CTNNA2: variants seen among roughly 807,000 people sequenced by gnomAD.
The protein encoded by CTNNA2 is catenin alpha-2.
A neutral mutation model predicts 101.0 loss-of-function variants in CTNNA2; 42 were observed. The observed-to-expected ratio is 0.42, with a 90% CI of 0.32 to 0.54. The LOEUF (loss-of-function observed/expected upper bound fraction) is 0.54, where lower values mean the gene tolerates loss of function less well. CTNNA2 is among the 20% of genes least tolerant of loss of function. CTNNA2 has a pLI of 0.14. For missense variants in CTNNA2, 871 were observed against 1,223.1 expected, an observed-to-expected ratio of 0.71 and a Z score of 4.29; for synonymous variants, 450 against 456.4, an observed-to-expected ratio of 0.99 and a Z score of 0.18.
intron 4 of CTNNA2, among the ~76,000 whole-genome samples, chr2:79,384,446 A>G (rs17709828): frequency 0.82 from 118,311 of 144,284 alleles, 48,798 homozygotes; most frequent in African/African-American, 0.92. Flanking sequence ...CTTTATTCCA[A>G]AGTAAGGCAT....
At chr2:80,232,345 GTTTTTTTTTTTTTTTTTTTTTTTTTTT>G (rs61454985) in intron 7 of CTNNA2, among the ~76,000 whole-genome samples, 21 of 64,842 alleles carry the variant, frequency 3.2e-4, no homozygotes, top group African/African-American at 1.4e-3. Context: ...TTGTTTGTTT[GTTTTTTTTTTTTTTTTTTTTTTTTTTT>G]TTTTTTTTTT....
intron 2 of CTNNA2, among the ~76,000 whole-genome samples, chr2:79,703,113 G>T (rs1454644939): frequency 6.6e-6 from 1 of 152,196 alleles, no homozygotes; most frequent in Non-Finnish European, 1.5e-5. Flanking sequence ...TGGAGAGCTT[G>T]TCATAGCTCC....
At chr2:80,431,629 G>C (rs1681513386) in intron 9 of CTNNA2, among the ~76,000 whole-genome samples, 1 of 152,178 alleles carries the variant, frequency 6.6e-6, no homozygotes, top group African/African-American at 2.4e-5. Flanking sequence ...AGTACAGCTG[G>C]TAGTTGAGCT....
At chr2:79,901,614 G>T (rs753927449) in intron 6 of CTNNA2, among the ~76,000 whole-genome samples, 4 of 152,044 alleles carry the variant, frequency 2.6e-5, no homozygotes, top group Middle Eastern at 6.4e-3. Context: ...TTCTGTGTAC[G>T]TTTCAGATGA....
Position 79,530,241 on chromosome 2 carries a change from C to T in CTNNA2, c.-6+17034C>T, listed in dbSNP as rs151091814. Among the ~76,000 whole-genome samples, 600 of 152,214 alleles carry T rather than the reference C, an allele frequency of 3.9e-3. 5 individuals carry two copies. The highest frequency in any genetic ancestry group is 0.014 in the African/African-American group (572 of 41,558). The stretch of plus-strand genomic sequence containing the variant: ...TGAAGCTTGCTAAGCTAAACTGTAA[C>T]TCTTGTGGGTTTAGTGGTTTGTGCA... On this transcript the variant is annotated intron_variant, in intron 1 of 18. Coordinates refer to ENST00000402739, the MANE Select transcript of CTNNA2 (RefSeq NM_001282597.3).
In CTNNA2 at chr2:79,970,274, A is replaced by G. The variant is rs368249908; in HGVS notation, c.1056+60477A>G. The stretch of plus-strand genomic sequence containing the variant: ...GTCAACCTGCTTCACCACCAGGCCA[A>G]CCTCTTGCTAGATCAGGGGCTTATT... On this transcript the variant is annotated intron_variant, in intron 7 of 18. Transcript: ENST00000402739. 1.4e-4 allele frequency among the ~76,000 whole-genome samples: 21 copies of G among 152,218 alleles called. No homozygotes were observed. In the East Asian group the frequency reaches 3.1e-3, roughly 22 times the overall value.
chr2:80,226,828 T>C (rs1339989547), intron 7 of CTNNA2, among the ~76,000 whole-genome samples: 1 of 151,988 alleles, frequency 6.6e-6, no homozygotes, highest in Non-Finnish European at 1.5e-5. Flanking sequence ...ATCTCACACC[T>C]CTCCTTGGGC....
chr2:79,841,775 G>C (rs933090829), intron 3 of CTNNA2, among the ~76,000 whole-genome samples: 1 of 152,176 alleles, frequency 6.6e-6, no homozygotes, highest in Non-Finnish European at 1.5e-5. Context: ...ACCCTCTGCA[G>C]AGCAAAGGAA....
intron 4 of CTNNA2, among the ~76,000 whole-genome samples, chr2:79,860,792 C>T (rs1466738619): frequency 1.3e-5 from 2 of 151,964 alleles, no homozygotes; most frequent in Non-Finnish European, 2.9e-5. Flanking sequence ...TGAACTATTG[C>T]CCCTACCCCC....
intron 7 of CTNNA2, among the ~76,000 whole-genome samples, chr2:80,134,438 C>T (rs540092318): frequency 5.3e-5 from 8 of 152,148 alleles, no homozygotes; most frequent in Non-Finnish European, 1.0e-4. Context: ...ATATGCAACC[C>T]GCTAATGACC....
At chr2:79,724,904 T>C (rs927779000) in intron 2 of CTNNA2, among the ~76,000 whole-genome samples, 1 of 151,492 alleles carries the variant, frequency 6.6e-6, no homozygotes, top group African/African-American at 2.4e-5. Context: ...TCAGCACGTC[T>C]ACTCTGCGGT....
rs576208581 is a variant in CTNNA2 at position 79,798,954 on chromosome 2, T to C, written c.298+54372T>C. ...ATGCATGGAAAGTACGCATCTGGCATTAAAAACATGTGATCTGATTTATTG... is the reference window on the plus strand; with the variant it reads ...ATGCATGGAAAGTACGCATCTGGCACTAAAAACATGTGATCTGATTTATTG... On this transcript the variant is annotated intron_variant, in intron 3 of 18. Coordinates refer to ENST00000402739, the MANE Select transcript of CTNNA2 (RefSeq NM_001282597.3). Among the ~76,000 whole-genome samples the C allele has an allele frequency of 5.1e-4, 77 of 152,282 alleles. 1 individual carries two copies. The highest frequency in any genetic ancestry group is 9.6e-4 in the Non-Finnish European group (65 of 68,020).
chr2:80,622,090 C>T (rs1671187219), intron 18 of CTNNA2, among the ~76,000 whole-genome samples: 1 of 151,922 alleles, frequency 6.6e-6, no homozygotes, highest in Non-Finnish European at 1.5e-5. Flanking sequence ...AAATGTATTG[C>T]TTACAGTTCA....
chr2:79,372,987 C>A (rs1677906274), intron 3 of CTNNA2, among the ~76,000 whole-genome samples: 1 of 152,108 alleles, frequency 6.6e-6, no homozygotes, highest in African/African-American at 2.4e-5. Flanking sequence ...TACAAATGGA[C>A]AGCAGCATAG....
At chr2:79,192,917 T>G (rs1042960849) in intron 1 of CTNNA2, among the ~76,000 whole-genome samples, 2 of 152,006 alleles carry the variant, frequency 1.3e-5, no homozygotes, top group African/African-American at 4.8e-5. Flanking sequence ...GAAATAGAAC[T>G]CTAACAGTAC....
chr2:79,240,213 T>C (rs1314439385), intron 2 of CTNNA2, among the ~76,000 whole-genome samples: 8 of 149,790 alleles, frequency 5.3e-5, no homozygotes, highest in African/African-American at 2.0e-4. Context: ...TGGCACAGTT[T>C]TCTTTTTTTT....
At chr2:80,026,465 G>C (rs1694931932) in intron 7 of CTNNA2, among the ~76,000 whole-genome samples, 1 of 152,056 alleles carries the variant, frequency 6.6e-6, no homozygotes, top group Non-Finnish European at 1.5e-5. Context: ...GTATTTATTG[G>C]TACTGCTGGA....
chr2:79,231,042 T>C (rs1674485770), intron 2 of CTNNA2, among the ~76,000 whole-genome samples: 1 of 152,192 alleles, frequency 6.6e-6, no homozygotes, highest in African/African-American at 2.4e-5. Context: ...GGAGTTGTAT[T>C]GTCTCAGGTG....
chr2:79,668,219 C>A (rs1682568920), intron 2 of CTNNA2, among the ~76,000 whole-genome samples: 2 of 129,570 alleles, frequency 1.5e-5, no homozygotes, highest in Non-Finnish European at 3.1e-5. Context: ...CGCAGTCCGA[C>A]CTGGGCGACA....
Sources: gnomAD v4.1 joint callset for allele counts (sites outside exome capture counted in the v4.1 genomes callset) on GRCh38, gnomAD v4.1.1 for gene constraint, MANE v1.5 for transcripts, NCBI Gene and HGNC (gene_info 2026-07-23, HGNC 2026-07-21) for gene names.